The following ARMH4 variants were observed in gnomAD, a reference collection of about 807,000 sequenced individuals.
ARMH4 encodes armadillo-like helical domain-containing protein 4.
A neutral mutation model predicts 61.9 loss-of-function variants in ARMH4; 49 were observed. That is an observed-to-expected ratio of 0.79 (90% CI 0.63 to 1.00). The LOEUF is 1.00. ARMH4 is among the 50% of genes least tolerant of loss of function. The pLI is 0.00. For synonymous variants in ARMH4, 368 were observed against 341.5 expected, an observed-to-expected ratio of 1.08 and a Z score of -0.85; for missense variants, 934 against 930.0, an observed-to-expected ratio of 1.00 and a Z score of -0.06.
intron 5 of ARMH4, among the ~76,000 whole-genome samples, chr14:58,071,675 G>A (rs1884887270): frequency 6.6e-6 from 1 of 152,066 alleles, no homozygotes; most frequent in African/African-American, 2.4e-5. Flanking sequence ...TATATCATAT[G>A]CTAATAAAAT....
chr14:58,006,836 C>A, intron 6 of ARMH4, among the ~76,000 whole-genome samples: 1 of 151,918 alleles, frequency 6.6e-6, no homozygotes, highest in East Asian at 1.9e-4. Flanking sequence ...GTGCAGCACA[C>A]CAACATGGCA....
chr14:58,075,478 T>A (rs1339015992), intron 5 of ARMH4, among the ~76,000 whole-genome samples: 6 of 152,058 alleles, frequency 3.9e-5, no homozygotes, highest in Non-Finnish European at 8.8e-5. Context: ...CTAGAAAGCA[T>A]CATTCTCAGC....
chr14:58,148,946 A>G (rs1887836690), intron 1 of ARMH4, among the ~76,000 whole-genome samples: 1 of 151,986 alleles, frequency 6.6e-6, no homozygotes, highest in African/African-American at 2.4e-5. Context: ...GCCAAATACC[A>G]TCTCACCTTT....
chr14:58,057,348 T>C (rs1884378362), intron 5 of ARMH4, among the ~76,000 whole-genome samples: 1 of 152,220 alleles, frequency 6.6e-6, no homozygotes, highest in Admixed American at 6.5e-5. Flanking sequence ...ACGCAATTTG[T>C]TAAGCAGTTT....
chr14:58,071,003 A>G (rs1372839127), intron 5 of ARMH4, among the ~76,000 whole-genome samples: 1 of 152,048 alleles, frequency 6.6e-6, no homozygotes, highest in South Asian at 2.1e-4. Context: ...GATACATTTG[A>G]ACACTTATTT....
intron 4 of ARMH4, among the ~76,000 whole-genome samples, chr14:58,105,059 A>G (rs1014868669): frequency 3.3e-5 from 5 of 152,182 alleles, no homozygotes; most frequent in African/African-American, 4.8e-5. Context: ...CAATCTTTCA[A>G]TTAGTTACAC....
intron 4 of ARMH4, among the ~76,000 whole-genome samples, chr14:58,118,342 A>G (rs995081771): frequency 7.2e-5 from 11 of 152,270 alleles, no homozygotes; most frequent in South Asian, 2.1e-4. Flanking sequence ...ACATGGTATT[A>G]ATCATGACAA....
chr14:58,049,096 A>G (rs752076867), intron 5 of ARMH4, among the ~76,000 whole-genome samples: 6 of 151,926 alleles, frequency 3.9e-5, no homozygotes, highest in East Asian at 1.9e-4. Flanking sequence ...AAAATTAGCC[A>G]GGCGTGGTGG....
intron 5 of ARMH4, among the ~76,000 whole-genome samples, chr14:58,088,248 C>T (rs141271966): frequency 1.4e-4 from 22 of 152,162 alleles, no homozygotes; most frequent in African/African-American, 5.3e-4. Flanking sequence ...AGATATTCTT[C>T]CCTAGAAATT....
chr14:58,069,397 C>T (rs569907801), intron 5 of ARMH4, among the ~76,000 whole-genome samples: 1 of 152,232 alleles, frequency 6.6e-6, no homozygotes, highest in African/African-American at 2.4e-5. Context: ...ATATGACAGA[C>T]ATTTAAAAAT....
chr14:58,077,180 C>T lies in ARMH4; in HGVS notation c.2089+19544G>A, dbSNP rs530283583. Among the ~76,000 whole-genome samples the T allele has an allele frequency of 9.2e-5, 14 of 152,274 alleles. No individual in the cohort carries two copies. The South Asian group carries it at 1.0e-3, about 11-fold the overall frequency. ...CAAGCTAGACAGCCCTGAGCTAACC[C>T]ACGTTTAGTGATTAATAACACACTG... is the stretch of plus-strand genomic sequence containing the variant. On this transcript the variant is annotated intron_variant, in intron 5 of 7. Coordinates refer to ENST00000267485, the MANE Select transcript of ARMH4 (RefSeq NM_001001872.4).
intron 4 of ARMH4, among the ~76,000 whole-genome samples, chr14:58,098,109 G>A (rs1885821003): frequency 6.6e-6 from 1 of 151,948 alleles, no homozygotes; most frequent in Admixed American, 6.5e-5. Context: ...TCCTCCTATG[G>A]TGGAGAAAAG....
intron 1 of ARMH4, among the ~76,000 whole-genome samples, chr14:58,142,478 T>C (rs1286510734): frequency 6.6e-6 from 1 of 151,804 alleles, no homozygotes; most frequent in Non-Finnish European, 1.5e-5. Flanking sequence ...TCTCTTCTCT[T>C]TTCTTTTCTT....
intron 5 of ARMH4, among the ~76,000 whole-genome samples, chr14:58,052,202 T>G (rs951207134): frequency 2.0e-5 from 3 of 152,162 alleles, no homozygotes; most frequent in Non-Finnish European, 4.4e-5. Context: ...GACCAGGGAC[T>G]GTGTCCTGCG....
chr14:58,144,725 G>A lies in ARMH4; in HGVS notation c.-56-5311C>T, dbSNP rs187313354. ...CACTAAAAATACAAAAAAATTAGCCGGGCATGGTGGCGGGCGCCTGTAGTC... is the reference window on the plus strand; with the variant it reads ...CACTAAAAATACAAAAAAATTAGCCAGGCATGGTGGCGGGCGCCTGTAGTC... On this transcript the variant is annotated intron_variant, in intron 1 of 7. Transcript: ENST00000267485. Among the ~76,000 whole-genome samples the A allele has an allele frequency of 8.5e-5, 13 of 152,114 alleles. No individual in the cohort carries two copies. In the East Asian group the frequency reaches 1.7e-3, roughly 20 times the overall value.
At chr14:58,015,364 A>C (rs1882572539) in intron 5 of ARMH4, among the ~76,000 whole-genome samples, 1 of 152,176 alleles carries the variant, frequency 6.6e-6, no homozygotes, top group Non-Finnish European at 1.5e-5. Context: ...GTGAGTAAGT[A>C]TTCTGGTGGG....
At chr14:58,122,218 C>CA (rs1284826231) in intron 4 of ARMH4, among the ~76,000 whole-genome samples, 17 of 152,210 alleles carry the variant, frequency 1.1e-4, no homozygotes, top group African/African-American at 3.9e-4. Flanking sequence ...ATATACCACA[C>CA]AGCAGCAACC....
chr14:58,097,385 CATA>C (rs896179835), intron 4 of ARMH4, among the ~76,000 whole-genome samples: 7 of 152,206 alleles, frequency 4.6e-5, no homozygotes, highest in Admixed American at 3.3e-4. Context: ...CTTTATAGCT[CATA>C]ATGTTAAAGG....
chr14:58,147,549 A>G (rs929474307), intron 1 of ARMH4, among the ~76,000 whole-genome samples: 4 of 152,054 alleles, frequency 2.6e-5, no homozygotes, highest in Admixed American at 1.3e-4. Flanking sequence ...TCTTGACCTC[A>G]TGATCCGCCC....
Sources: gnomAD v4.1 joint callset for allele counts (sites outside exome capture counted in the v4.1 genomes callset) on GRCh38, gnomAD v4.1.1 for gene constraint, MANE v1.5 for transcripts, NCBI Gene and HGNC (gene_info 2026-07-23, HGNC 2026-07-21) for gene names.